CALN1: variants seen among roughly 807,000 people sequenced by gnomAD.
CALN1 encodes the protein calneuron 1.
CALN1 carries 17 observed loss-of-function variants against 30.6 expected under a neutral mutation model. That is an observed-to-expected ratio of 0.56 (90% confidence interval 0.38 to 0.83). The LOEUF (loss-of-function observed/expected upper bound fraction) is 0.83. Ranked by LOEUF, CALN1 falls within the 40% of genes least tolerant of loss-of-function variation. CALN1 has a pLI of 0.00. For missense variants in CALN1, 291 were observed against 354.9 expected, an observed-to-expected ratio of 0.82 and a Z score of 1.45; for synonymous variants, 156 against 131.4, an observed-to-expected ratio of 1.19 and a Z score of -1.28.
chr7:71,888,775 G>A (rs954957993), intron 5 of CALN1, among the ~76,000 whole-genome samples: 5 of 152,100 alleles, frequency 3.3e-5, no homozygotes, highest in African/African-American at 1.2e-4. Context: ...GAGGGGTGAC[G>A]TGATGGGGCC....
In CALN1 at chr7:71,787,922, G is replaced by T. The variant is rs765184032; in HGVS notation, c.659-20C>A. 1.9e-6 allele frequency: 3 copies of T among 1,613,892 alleles called. No homozygotes were observed. The highest frequency in any genetic ancestry group is 2.5e-6 in the Non-Finnish European group (3 of 1,179,922). On this transcript the variant is annotated intron_variant, in intron 6 of 6. Transcript: ENST00000395275. Reference sequence around the variant, plus strand: ...AATGCACTGGTGGTGGGAGAAGCAGGTGTGGGAAGAAGGAAGAGGGGTTGG... The same window carrying T: ...AATGCACTGGTGGTGGGAGAAGCAGTTGTGGGAAGAAGGAAGAGGGGTTGG...
the CALN1 span, among the ~76,000 whole-genome samples, chr7:72,491,827 C>A: frequency 2.6e-5 from 4 of 152,234 alleles, no homozygotes; most frequent in Non-Finnish European, 5.9e-5. Flanking sequence ...CCTGAAAGAA[C>A]ACACCAACGG....
chr7:72,025,727 C>G (rs534914549), intron 4 of CALN1, among the ~76,000 whole-genome samples: 1 of 152,340 alleles, frequency 6.6e-6, no homozygotes, highest in East Asian at 1.9e-4. Context: ...GCAGCCAGCA[C>G]AGACAGCCAG....
chr7:71,928,889 A>G (rs1010904520), intron 5 of CALN1, among the ~76,000 whole-genome samples: 2 of 152,004 alleles, frequency 1.3e-5, no homozygotes, highest in Non-Finnish European at 1.5e-5. Flanking sequence ...ACAAAAAAAA[A>G]AGAAATATTC....
At chr7:72,110,408 T>C (rs898704333) in intron 3 of CALN1, among the ~76,000 whole-genome samples, 1 of 152,194 alleles carries the variant, frequency 6.6e-6, no homozygotes, top group Non-Finnish European at 1.5e-5. Flanking sequence ...CTTCGAAGCC[T>C]TGAATGCCTG....
chr7:72,016,246 C>G (rs1283389211), intron 5 of CALN1, among the ~76,000 whole-genome samples: 1 of 92,102 alleles, frequency 1.1e-5, no homozygotes, highest in African/African-American at 8.2e-5. Flanking sequence ...GAGACTCCAT[C>G]TCAAAAAAAA....
intron 5 of CALN1, among the ~76,000 whole-genome samples, chr7:71,836,622 C>CTTTTTTTTTT (rs756689224): frequency 7.5e-6 from 1 of 132,624 alleles, no homozygotes. Context: ...CTCTCTGTCT[C>CTTTTTTTTTT]TTTTTTTTTT....
chr7:72,296,635 C>G (rs1798883843), intron 2 of CALN1, among the ~76,000 whole-genome samples: 1 of 141,152 alleles, frequency 7.1e-6, no homozygotes, highest in Non-Finnish European at 1.5e-5. Flanking sequence ...TCTAGATTTT[C>G]TAGTTTATTT....
chr7:72,125,929 A>G (rs1485080994), intron 3 of CALN1, among the ~76,000 whole-genome samples: 1 of 151,096 alleles, frequency 6.6e-6, no homozygotes, highest in Admixed American at 6.6e-5. Flanking sequence ...CAGCCTCCCA[A>G]GTAGGGATTA....
chr7:71,850,831 C>A (rs1790595718), intron 5 of CALN1, among the ~76,000 whole-genome samples: 1 of 151,708 alleles, frequency 6.6e-6, no homozygotes, highest in African/African-American at 2.4e-5. Flanking sequence ...TATCCCTAGG[C>A]AGAAAGTAGT....
At chr7:71,909,168 C>G (rs1274219762) in intron 5 of CALN1, among the ~76,000 whole-genome samples, 2 of 152,082 alleles carry the variant, frequency 1.3e-5, no homozygotes, top group East Asian at 3.9e-4. Flanking sequence ...AGGCAGGCAC[C>G]AACACGCCCA....
chr7:72,077,139 C>A (rs139323504), intron 4 of CALN1, among the ~76,000 whole-genome samples: 1,703 of 152,220 alleles, frequency 0.011, 96 homozygotes, highest in Admixed American at 0.088. Flanking sequence ...ACCTTCTATG[C>A]ATGTAACAAA....
intron 3 of CALN1, among the ~76,000 whole-genome samples, chr7:72,110,728 C>T (rs1461592886): frequency 1.3e-5 from 2 of 151,296 alleles, no homozygotes; most frequent in African/African-American, 4.9e-5. Flanking sequence ...ATAGGCACCT[C>T]GGGAGAGTTA....
intron 5 of CALN1, among the ~76,000 whole-genome samples, chr7:71,863,672 T>C (rs537749239): frequency 2.0e-5 from 3 of 151,960 alleles, no homozygotes; most frequent in African/African-American, 2.4e-5. Flanking sequence ...GGAATTACTA[T>C]TGGGAAGGCT....
chr7:71,879,889 A>G (rs1358247936), intron 5 of CALN1, among the ~76,000 whole-genome samples: 1 of 152,196 alleles, frequency 6.6e-6, no homozygotes, highest in Non-Finnish European at 1.5e-5. Flanking sequence ...CTCTGAATTA[A>G]TAAGCCACTC....
At chr7:72,316,585 TC>T (rs1800461449) in intron 2 of CALN1, among the ~76,000 whole-genome samples, 1 of 152,112 alleles carries the variant, frequency 6.6e-6, no homozygotes, top group African/African-American at 2.4e-5. Flanking sequence ...AATTTAATTT[TC>T]TTCTATTTGC....
intron 2 of CALN1, among the ~76,000 whole-genome samples, chr7:72,325,452 T>A (rs1801203166): frequency 6.6e-6 from 1 of 151,982 alleles, no homozygotes; most frequent in Non-Finnish European, 1.5e-5. Flanking sequence ...AATGCAAAAC[T>A]GAGCCGGGCG....
chr7:72,220,787 T>C (rs942323268), intron 3 of CALN1, among the ~76,000 whole-genome samples: 9 of 152,368 alleles, frequency 5.9e-5, no homozygotes, highest in African/African-American at 2.2e-4. Context: ...ATTTCTCTGA[T>C]GGCCAGTGAT....
intron 6 of CALN1, among the ~76,000 whole-genome samples, chr7:71,788,879 C>T (rs560709081): frequency 1.2e-4 from 18 of 152,162 alleles, no homozygotes; most frequent in East Asian, 2.0e-4. Flanking sequence ...AGGATGATCT[C>T]GATCTCCTGA....
Sources: gnomAD v4.1 joint callset for allele counts (sites outside exome capture counted in the v4.1 genomes callset) on GRCh38, gnomAD v4.1.1 for gene constraint, MANE v1.5 for transcripts, NCBI Gene and HGNC (gene_info 2026-07-23, HGNC 2026-07-21) for gene names.